CACNA2D3: variants seen among roughly 807,000 people sequenced by gnomAD.
The protein encoded by CACNA2D3 is voltage-dependent calcium channel subunit alpha-2/delta-3.
CACNA2D3 carries 60 observed loss-of-function variants against 160.6 expected under a neutral mutation model. The ratio of observed to expected loss-of-function variants is 0.37; its 90% CI spans 0.30 to 0.46. The LOEUF is 0.46. Among genes scored for constraint, CACNA2D3 ranks in the 20% least tolerant of loss-of-function variants. The probability of loss-of-function intolerance (pLI) is 1.00; values close to 1 mark genes in which losing one functional copy is unlikely to be tolerated. For synonymous variants in CACNA2D3, 558 were observed against 492.9 expected (o/e 1.13, Z -1.75); for missense variants, 1,205 against 1,365.0 (o/e 0.88, Z 1.85).
chr3:54,157,768 G>A (rs1700270567), intron 2 of CACNA2D3, among the ~76,000 whole-genome samples: 1 of 149,052 alleles, frequency 6.7e-6, no homozygotes, highest in Admixed American at 6.8e-5. Context: ...TCCAGCCTGG[G>A]CAACAAGAGT....
At chr3:54,660,025 C>T (rs182991637) in intron 11 of CACNA2D3, among the ~76,000 whole-genome samples, 21 of 152,282 alleles carry the variant, frequency 1.4e-4, no homozygotes, top group African/African-American at 5.1e-4. Flanking sequence ...GAAGTCAATC[C>T]TGACAACCCA....
chr3:54,148,032 T>G (rs1700069064), intron 2 of CACNA2D3, among the ~76,000 whole-genome samples: 1 of 152,124 alleles, frequency 6.6e-6, no homozygotes, highest in South Asian at 2.1e-4. Context: ...GTTTTGACCT[T>G]GTGATCCGTC....
intron 4 of CACNA2D3, among the ~76,000 whole-genome samples, chr3:54,467,627 C>T (rs1401520757): frequency 1.3e-5 from 2 of 151,948 alleles, no homozygotes; most frequent in East Asian, 3.9e-4. Flanking sequence ...AAGCCAGGCA[C>T]ATAAGGAAAA....
intron 4 of CACNA2D3, among the ~76,000 whole-genome samples, chr3:54,438,693 A>T (rs1409253239): frequency 6.6e-6 from 1 of 152,208 alleles, no homozygotes; most frequent in African/African-American, 2.4e-5. Flanking sequence ...CTAAATTTGC[A>T]TAAAAGTAAT....
chr3:54,746,272 A>G lies in CACNA2D3; in HGVS notation c.1168-6327A>G, dbSNP rs1049900119. ...ATTTTATTCAGAAATGCTTCTCTGTACCAGAAATCATAGAAATGAGCAAAT... is the reference window on the plus strand; with the variant it reads ...ATTTTATTCAGAAATGCTTCTCTGTGCCAGAAATCATAGAAATGAGCAAAT... On this transcript the variant is annotated intron_variant, in intron 11 of 37. Coordinates refer to ENST00000474759, the MANE Select transcript of CACNA2D3 (RefSeq NM_018398.3). 7.9e-5 allele frequency among the ~76,000 whole-genome samples: 12 copies of G among 152,346 alleles called. No individual in the cohort carries two copies. In the South Asian group the frequency reaches 1.2e-3, roughly 16 times the overall value.
At chr3:54,905,112 G>A (rs1337665765) in intron 27 of CACNA2D3, among the ~76,000 whole-genome samples, 1 of 152,070 alleles carries the variant, frequency 6.6e-6, no homozygotes, top group Non-Finnish European at 1.5e-5. Context: ...TATTGAGGTA[G>A]GATTTATATA....
intron 3 of CACNA2D3, among the ~76,000 whole-genome samples, chr3:54,370,969 A>G (rs560737574): frequency 6.6e-5 from 10 of 152,266 alleles, no homozygotes; most frequent in African/African-American, 2.4e-4. Context: ...AAATGAAATA[A>G]TACAATACAT....
intron 2 of CACNA2D3, among the ~76,000 whole-genome samples, chr3:54,179,637 T>G (rs1185104024): frequency 6.6e-6 from 1 of 152,220 alleles, no homozygotes; most frequent in African/African-American, 2.4e-5. Context: ...TATTCATATG[T>G]TGAAGCCTAA....
chr3:54,927,560 CCT>C (rs1701057574), intron 27 of CACNA2D3, among the ~76,000 whole-genome samples: 1 of 152,130 alleles, frequency 6.6e-6, no homozygotes, highest in Admixed American at 6.5e-5. Context: ...GAAAGGCTTG[CCT>C]CTCTGAGATT....
intron 4 of CACNA2D3, among the ~76,000 whole-genome samples, chr3:54,464,865 G>A (rs942898165): frequency 9.2e-5 from 14 of 152,174 alleles, no homozygotes; most frequent in South Asian, 2.1e-4. Flanking sequence ...CCTCTTCTGC[G>A]TCGCTTACGC....
At chr3:54,722,582 G>T (rs996448253) in intron 11 of CACNA2D3, among the ~76,000 whole-genome samples, 1 of 152,088 alleles carries the variant, frequency 6.6e-6, no homozygotes, top group South Asian at 2.1e-4. Context: ...GGTGACCTTC[G>T]GATGGGGTCT....
intron 3 of CACNA2D3, among the ~76,000 whole-genome samples, chr3:54,332,882 G>A (rs550573549): frequency 1.3e-5 from 2 of 152,194 alleles, no homozygotes; most frequent in African/African-American, 4.8e-5. Context: ...ATTTATAGCG[G>A]GCTCCCTCCC....
intron 34 of CACNA2D3, among the ~76,000 whole-genome samples, chr3:55,015,493 T>C (rs1158037795): frequency 1.3e-5 from 2 of 152,260 alleles, no homozygotes; most frequent in African/African-American, 4.8e-5. Context: ...ATGCCATCAT[T>C]AGTTTTTTAT....
At chr3:55,027,084 TGAC>T (rs1703579257) in intron 35 of CACNA2D3, among the ~76,000 whole-genome samples, 1 of 152,316 alleles carries the variant, frequency 6.6e-6, no homozygotes, top group African/African-American at 2.4e-5. Context: ...GATTAGAAAT[TGAC>T]AGATCACTGG....
At position 54,593,330 on chromosome 3, in the gene CACNA2D3, A is replaced by G. The variant is rs547527228; in HGVS notation, c.963+11453A>G. 7.9e-5 allele frequency among the ~76,000 whole-genome samples: 12 copies of G among 152,298 alleles called. No homozygotes were observed. In the South Asian group the frequency reaches 1.7e-3, roughly 21 times the overall value. ...TATGGTTAGATAAAGAAACACATGT[A>G]AATTTCAGAATAGTATGGTTCATGG... On this transcript the variant is annotated intron_variant, in intron 9 of 37. Coordinates refer to ENST00000474759, the MANE Select transcript of CACNA2D3 (RefSeq NM_018398.3).
chr3:54,411,436 A>G (rs1385329515), intron 4 of CACNA2D3, among the ~76,000 whole-genome samples: 1 of 152,200 alleles, frequency 6.6e-6, no homozygotes, highest in African/African-American at 2.4e-5. Context: ...TTTAGCAACC[A>G]TCACCCTGAT....
At chr3:54,687,121 C>CTTTCTT (rs1700464445) in intron 11 of CACNA2D3, among the ~76,000 whole-genome samples, 1 of 94,934 alleles carries the variant, frequency 1.1e-5, no homozygotes, top group Admixed American at 1.4e-4. Context: ...TTTTCTTTTT[C>CTTTCTT]TTTTTTTTTT....
chr3:54,291,346 C>G (rs1010203154), intron 2 of CACNA2D3, among the ~76,000 whole-genome samples: 4 of 152,158 alleles, frequency 2.6e-5, no homozygotes, highest in Non-Finnish European at 5.9e-5. Flanking sequence ...AATGGCATGT[C>G]CATATGTAAA....
At chr3:54,786,415 T>A (rs1431829265) in intron 13 of CACNA2D3, among the ~76,000 whole-genome samples, 2 of 152,298 alleles carry the variant, frequency 1.3e-5, no homozygotes, top group South Asian at 2.1e-4. Flanking sequence ...CTGCAGTCCT[T>A]TAAGTCTCTT....
Sources: allele counts gnomAD v4.1 joint callset (sites outside exome capture counted in the v4.1 genomes callset), GRCh38; gene constraint gnomAD v4.1.1; transcripts MANE v1.5; gene names NCBI Gene and HGNC (gene_info 2026-07-23, HGNC 2026-07-21).